The following CEP295 variants were observed in gnomAD, a reference collection of about 807,000 sequenced individuals.
The protein encoded by CEP295 is centrosomal protein 295, also known as centrosomal protein of 295 kDa.
Under a neutral mutation model 291.6 loss-of-function variants are expected in CEP295, and 190 were observed. That is an observed-to-expected ratio of 0.65 (90% CI 0.58 to 0.73). The LOEUF is 0.73. Ranked by LOEUF, CEP295 falls within the 30% of genes least tolerant of loss-of-function variation. The probability of loss-of-function intolerance (pLI) is 0.00; values close to 1 mark genes in which losing one functional copy is unlikely to be tolerated. For missense variants in CEP295, 2,863 were observed against 2,949.4 expected (o/e 0.97, Z 0.68); for synonymous variants, 993 against 1,038.8 (o/e 0.96, Z 0.85).
At chr11:93,683,862 C>G in intron 8 of CEP295, 102 bp from the exon 9 acceptor site, 1 of 1,416,718 alleles carries the variant, frequency 7.1e-7, no homozygotes, top group Non-Finnish European at 9.5e-7. Flanking sequence ...GGAGGCCCCC[C>G]ATATTTTAGA....
intron 25 of CEP295, 26 bp downstream of exon 25, chr11:93,728,847 T>G (rs1937813625): frequency 6.6e-7 from 1 of 1,525,292 alleles, no homozygotes; most frequent in African/African-American, 1.4e-5. Flanking sequence ...CCTTCTATTT[T>G]ATTCTATTAC....
At chr11:93,669,427 T>TTC (rs397964066) in intron 4 of CEP295, among the ~76,000 whole-genome samples, 11 of 151,546 alleles carry the variant, frequency 7.3e-5, no homozygotes, top group Non-Finnish European at 1.3e-4. Flanking sequence ...TTTTTTTTTT[T>TTC]CACTCTAAAG....
intron 12 of CEP295, among the ~76,000 whole-genome samples, chr11:93,693,135 G>A (rs1297638316): frequency 2.3e-4 from 35 of 151,934 alleles, no homozygotes; most frequent in Admixed American, 2.2e-3. Context: ...AAATTAGCTG[G>A]GCATGGTGGC....
At chr11:93,705,274 T>C (rs773551905) in intron 17 of CEP295, among the ~76,000 whole-genome samples, 1 of 152,158 alleles carries the variant, frequency 6.6e-6, no homozygotes, top group Non-Finnish European at 1.5e-5. Flanking sequence ...AAAAAACTTT[T>C]ACTATTTATA....
Position 93,729,685 on chromosome 11 carries a change from A to T in CEP295, c.7471A>T (p.Met2491Leu). 1 of 1,550,860 alleles carries T rather than the reference A, an allele frequency of 6.4e-7. No homozygotes were observed. The highest frequency in any genetic ancestry group is 8.7e-7 in the Non-Finnish European group (1 of 1,146,324). The change falls in exon 27 of 30, where the codon ATG becomes TTG. Residue 2491 changes from methionine (M) to leucine (L), a missense_variant. Physicochemically the swap from Met to Leu is conservative, Grantham distance 15. Transcript: ENST00000325212. The part of the protein sequence containing the change: ...EAFIKRKKSF[M>L]ERSHQRQKEI... ...ATTTATAAAGAGGAAAAAATCATTT[A>T]TGGAGAGATCCCACCAGAGGCAGAA... is the stretch of plus-strand genomic sequence containing the variant.
At chr11:93,700,897 A>G (rs1952115668) in intron 15 of CEP295, among the ~76,000 whole-genome samples, 1 of 152,054 alleles carries the variant, frequency 6.6e-6, no homozygotes, top group Non-Finnish European at 1.5e-5. Context: ...TTTTTTCTCA[A>G]GTGACACTAT....
chr11:93,729,399 A>T (rs892553139), intron 25 of CEP295, 35 bp from the exon 26 acceptor site: 2 of 1,429,500 alleles, frequency 1.4e-6, no homozygotes, highest in South Asian at 1.2e-5. Flanking sequence ...TAAAGCGTTT[A>T]AAAAGAGTAA....
At chr11:93,677,552 ACAT>A (rs1490550557) in intron 6 of CEP295, among the ~76,000 whole-genome samples, 1 of 152,182 alleles carries the variant, frequency 6.6e-6, no homozygotes, top group East Asian at 1.9e-4. Flanking sequence ...ACTGAACAAA[ACAT>A]CATACGCTTA....
Position 93,698,781 on chromosome 11 carries a change from C to G in CEP295, c.3869C>G (p.Ser1290Ter). Residue 1290 changes from serine (S) to a stop codon, truncating the protein, a stop_gained, in exon 15 of 30, where the codon TCA becomes TGA. Transcript: ENST00000325212. LOFTEE classifies it high-confidence loss of function. ...TCTTCTGAACAAACTGGTTCATCTT[C>G]ATTCATACCCCAGTTGGTACAGCTT... is the stretch of plus-strand genomic sequence containing the variant. Reference protein sequence around the residue: ...NTSSEQTGSSSFIPQLVQLSF... With the variant: ...NTSSEQTGSS 1 of 1,551,710 alleles carries G rather than the reference C, an allele frequency of 6.4e-7. No homozygotes were observed. The highest frequency in any genetic ancestry group is 8.7e-7 in the Non-Finnish European group (1 of 1,146,984).
intron 5 of CEP295, among the ~76,000 whole-genome samples, chr11:93,671,956 C>T (rs1022776806): frequency 3.3e-5 from 5 of 152,170 alleles, no homozygotes; most frequent in African/African-American, 1.2e-4. Context: ...GAGCTATTTA[C>T]ATGGTGAAGA....
intron 17 of CEP295, among the ~76,000 whole-genome samples, chr11:93,703,994 C>T (rs373512873): frequency 6.6e-6 from 1 of 152,014 alleles, no homozygotes; most frequent in Admixed American, 6.6e-5. Context: ...TGGTCTCCAT[C>T]TCCTGACCTT....
At chr11:93,707,536 G>A (rs1055873555) in intron 18 of CEP295, among the ~76,000 whole-genome samples, 2 of 152,044 alleles carry the variant, frequency 1.3e-5, no homozygotes, top group Non-Finnish European at 2.9e-5. Flanking sequence ...GGCCAAGACT[G>A]GCAGATCATG....
chr11:93,729,255 C>G lies in CEP295; in HGVS notation c.7303-179C>G. 4.9e-6 allele frequency: 3 copies of G among 611,776 alleles called. No individual in the cohort carries two copies. The South Asian group carries it at 6.0e-5, about 12-fold the overall frequency. The allele number at this position is 611,776 out of a possible 1,614,324, so 37.9% of individuals were successfully genotyped here. A position where few individuals can be genotyped will look rare whatever the true frequency, so the allele number is the denominator to read the frequency against. ...TTCAAGACCAGCCTGGGCAACAAGG[C>G]AAAACCCAATCCCTACAAAAAATAC... On this transcript the variant is annotated intron_variant, in intron 25 of 29. Transcript: ENST00000325212.
At position 93,699,864 on chromosome 11, in the gene CEP295, C is replaced by G. The variant is rs1952043880; in HGVS notation, c.4952C>G (p.Thr1651Arg). 6.4e-7 allele frequency: 1 copy of G among 1,552,034 alleles called. No individual in the cohort carries two copies. Among genetic ancestry groups the G allele is most frequent in the Non-Finnish European group, 8.7e-7 (1 of 1,147,076 alleles). ...TIPSLFLPKE[T>R]EHSFIPLPFA... ...CCCTCTTTGTTTCTACCCAAGGAAA[C>G]AGAGCATTCGTTTATTCCACTACCT... is the stretch of plus-strand genomic sequence containing the variant. Residue 1651 changes from threonine to arginine, a missense_variant, in exon 15 of 30, where the codon ACA becomes AGA. Physicochemically the swap from Thr to Arg is moderately conservative, Grantham distance 71 (BLOSUM62 -1). This residue lies in a region of CEP295 where 2,295 missense variants were observed against 2,335.7 expected (regional missense o/e 0.98). Coordinates refer to ENST00000325212, the MANE Select transcript of CEP295 (RefSeq NM_033395.2).
chr11:93,675,108 G>T (rs1950626589), intron 5 of CEP295, among the ~76,000 whole-genome samples: 2 of 152,102 alleles, frequency 1.3e-5, no homozygotes, highest in Non-Finnish European at 2.9e-5. Context: ...AGTGTTTCAG[G>T]ACCAAAATTC....
intron 20 of CEP295, 163 bp from the exon 21 acceptor site, chr11:93,722,878 T>C (rs1442639956): frequency 3.8e-6 from 2 of 533,218 alleles, no homozygotes; most frequent in African/African-American, 1.9e-5. Flanking sequence ...GCCCAGCTGA[T>C]TTTTGTATTT....
At chr11:93,705,929 G>A (rs913648424) in intron 17 of CEP295, among the ~76,000 whole-genome samples, 4 of 152,122 alleles carry the variant, frequency 2.6e-5, no homozygotes, top group African/African-American at 9.7e-5. Context: ...TATAAGCCTG[G>A]CTGTTGATAT....
intron 25 of CEP295, 61 bp from the exon 26 acceptor site, chr11:93,729,373 C>T: frequency 8.7e-7 from 1 of 1,147,402 alleles, no homozygotes; most frequent in Non-Finnish European, 1.3e-6. Flanking sequence ...AATCTGACAG[C>T]AGAGCAAGAC....
Position 93,728,654 on chromosome 11 carries a change from GGTTTTCCT to G in CEP295, c.7162-26_7162-19del, listed in dbSNP as rs1218670736. The G allele has an allele frequency of 6.6e-7, 1 of 1,507,676 alleles. No homozygotes were observed. The highest frequency in any genetic ancestry group is 2.5e-5 in the Admixed American group (1 of 40,080). The allele number at this position is 1,507,676 out of a possible 1,614,324, so 93.4% of individuals were successfully genotyped here. A position where few individuals can be genotyped will look rare whatever the true frequency, so the allele number is the denominator to read the frequency against. On this transcript the variant is annotated intron_variant, in intron 24 of 29. Transcript: ENST00000325212. ...AAGTCTTTTAAGGCTATTTTGACATGGTTTTCCTTTTAATTGTGGTTCACAGGAAACAG... is the reference window on the plus strand; with the variant it reads ...AAGTCTTTTAAGGCTATTTTGACATGTTTAATTGTGGTTCACAGGAAACAG...
Sources: allele counts gnomAD v4.1 joint callset (sites outside exome capture counted in the v4.1 genomes callset), GRCh38; gene constraint gnomAD v4.1.1; regional missense constraint gnomAD v4.1.1; transcripts MANE v1.5; gene names NCBI Gene and HGNC (gene_info 2026-07-23, HGNC 2026-07-21).